BPTF: variants seen among roughly 807,000 people sequenced by gnomAD.
The protein encoded by BPTF is nucleosome-remodeling factor subunit BPTF.
In BPTF, 18 loss-of-function variants were observed where a neutral mutation model predicts 292.5. That is an observed-to-expected ratio of 0.06 (90% confidence interval 0.04 to 0.09). The LOEUF (loss-of-function observed/expected upper bound fraction) is 0.09. Among genes scored for constraint, BPTF ranks in the 10% least tolerant of loss-of-function variants. BPTF has a pLI of 1.00. For missense variants in BPTF, 2,726 were observed against 3,498.7 expected (o/e 0.78, Z 5.57); for synonymous variants, 1,225 against 1,251.9 (o/e 0.98, Z 0.45).
intron 2 of BPTF, among the ~76,000 whole-genome samples, chr17:67,866,004 C>G (rs2059372617): frequency 1.3e-5 from 2 of 151,942 alleles, no homozygotes; most frequent in African/African-American, 4.8e-5. Context: ...TCTGTAAGTC[C>G]TAACTACTTG....
At position 67,975,905 on chromosome 17, in the gene BPTF, A is replaced by G. The variant is rs782641892; in HGVS notation, c.8673A>G (p.Ala2891=). The change falls in exon 27 of 28, where the codon GCA becomes GCG. Residue 2891 remains alanine, a synonymous_variant. Coordinates refer to ENST00000306378, the MANE Select transcript of BPTF (RefSeq NM_182641.4). ...GTGACTCCCCATTTTACCAGTGTGC[A>G]GAAGTTCTCGAATCATTCTTTGTAC... ...NPSDSPFYQC[A]EVLESFFVQK... The G allele has an allele frequency of 6.2e-6, 10 of 1,613,676 alleles. No individual in the cohort carries two copies. Among genetic ancestry groups the G allele is most frequent in the Non-Finnish European group, 8.5e-6 (10 of 1,179,910 alleles).
rs372551122 is a variant in BPTF, at chr17:67,940,511, C to T, written c.6332C>T (p.Thr2111Met). ...PVSTAVSAPNTVSSTPGQKSL... is the reference protein window; with the variant it reads ...PVSTAVSAPNMVSSTPGQKSL... ...TCCACTGCAGTCTCCGCCCCTAACA[C>T]GGTTTCCTCAACACCTGGGCAGAAA... Residue 2111 changes from threonine (T) to methionine (M), a missense_variant, in exon 19 of 28, where the codon ACG (threonine) becomes ATG (methionine). By Grantham distance (81) the Thr-to-Met change is moderately conservative. Transcript: ENST00000306378. 2.7e-5 allele frequency: 44 copies of T among 1,613,960 alleles called. No homozygotes were observed. The highest frequency in any genetic ancestry group is 3.3e-5 in the Admixed American group (2 of 59,986).
rs142982955 is a variant in BPTF, at chr17:67,904,467, T to G, written c.2674-235T>G. 2.6e-5 allele frequency among the ~76,000 whole-genome samples: 4 copies of G among 152,350 alleles called. No homozygotes were observed. In the East Asian group the frequency reaches 7.7e-4, roughly 29 times the overall value. ...TTGAAATTGTTATAAAACTGTAAAA[T>G]TGTGTTACATTTTACATGCTAAAAA... On this transcript the variant is annotated intron_variant, in intron 8 of 27. Coordinates refer to ENST00000306378, the MANE Select transcript of BPTF (RefSeq NM_182641.4).
In BPTF at chr17:67,903,932, C is replaced by G. The variant is rs1258252865; in HGVS notation, c.2673+14C>G. On this transcript the variant is annotated intron_variant, in intron 8 of 27. Transcript: ENST00000306378. ...GTTAAGCATCAGGTAATTTTTACAA[C>G]AACCCTTTAAAATAGTGTTAGCCAT... 6.3e-7 allele frequency: 1 copy of G among 1,577,756 alleles called. No homozygotes were observed. The highest frequency in any genetic ancestry group is 2.0e-5 in the Admixed American group (1 of 48,858).
intron 23 of BPTF, among the ~76,000 whole-genome samples, chr17:67,948,636 G>C (rs1462359558): frequency 1.3e-5 from 2 of 152,156 alleles, no homozygotes; most frequent in East Asian, 3.8e-4. Context: ...TCATGAGAAA[G>C]GTACAGAGAC....
In BPTF at chr17:67,928,504, T is replaced by C; in HGVS notation, c.5901T>C (p.Thr1967=). Residue 1967 remains threonine (T), a synonymous_variant, in exon 16 of 28, where the codon ACT becomes ACC. Coordinates refer to ENST00000306378, the MANE Select transcript of BPTF (RefSeq NM_182641.4). ...SVTTGTKMVL[T]TKVGSPATVT... is the part of the protein sequence containing the mutation. ...CAACTGGAACCAAAATGGTACTAAC[T>C]ACTAAAGTTGGATCTCCAGCTACAG... The C allele has an allele frequency of 1.2e-6, 2 of 1,614,194 alleles. No homozygotes were observed. The highest frequency in any genetic ancestry group is 2.2e-5 in the South Asian group (2 of 91,086).
chr17:67,872,947 C>T (rs1056193572), intron 3 of BPTF, among the ~76,000 whole-genome samples: 33 of 151,448 alleles, frequency 2.2e-4, no homozygotes, highest in African/African-American at 6.8e-4. Context: ...ATTAGCCAGG[C>T]GTGGTGACAC....
intron 2 of BPTF, among the ~76,000 whole-genome samples, chr17:67,860,538 T>A (rs757620413): frequency 1.6e-4 from 24 of 152,238 alleles, no homozygotes; most frequent in Non-Finnish European, 3.1e-4. Context: ...CAAGACATAT[T>A]CAGCATATAA....
chr17:67,842,560 AGAAAG>A (rs2057641755), intron 1 of BPTF, among the ~76,000 whole-genome samples: 1 of 152,232 alleles, frequency 6.6e-6, no homozygotes, highest in East Asian at 1.9e-4. Context: ...GGAAATAAAA[AGAAAG>A]GAGTTATAAA....
chr17:67,827,269 CACA>C (rs1165654315), intron 1 of BPTF, among the ~76,000 whole-genome samples: 1 of 152,148 alleles, frequency 6.6e-6, no homozygotes, highest in African/African-American at 2.4e-5. Flanking sequence ...AGATTTATTA[CACA>C]ACGACTTTTT....
At position 67,912,229 on chromosome 17, in the gene BPTF, G is replaced by A. The variant is rs750076483; in HGVS notation, c.4345G>A (p.Glu1449Lys). Residue 1449 changes from glutamate (E) to lysine (K), a missense_variant, in exon 11 of 28, where the codon GAG becomes AAG. Physicochemically the swap from Glu to Lys is moderately conservative, Grantham distance 56. Transcript: ENST00000306378. ...TAATAATATAAATAAAATAATCCCT[G>A]AGAATGATATTAAATCATTGACTGT... ...KVNNINKIIPENDIKSLTVKE... is the reference protein window; with the variant it reads ...KVNNINKIIPKNDIKSLTVKE... The A allele has an allele frequency of 1.2e-6, 2 of 1,609,936 alleles. No homozygotes were observed. Among genetic ancestry groups the A allele is most frequent in the Non-Finnish European group, 1.7e-6 (2 of 1,177,994 alleles).
chr17:67,875,416 C>T (rs1237549609), intron 4 of BPTF: 16 of 501,256 alleles, frequency 3.2e-5, no homozygotes, highest in South Asian at 1.1e-4. Context: ...CAGCAATATC[C>T]GAGAATCTAC....
Position 67,911,369 on chromosome 17 carries a change from C to G in BPTF, c.3485C>G (p.Pro1162Arg). ...AGTCATACCACAAACAAACTTTATC[C>G]AAAAGATCGAGTGTTAGATGATGTC... ...DPSHTTNKLYPKDRVLDDVSI... is the reference protein window; with the variant it reads ...DPSHTTNKLYRKDRVLDDVSI... Residue 1162 changes from proline to arginine, a missense_variant, in exon 11 of 28, where the codon CCA (proline) becomes CGA (arginine). Transcript: ENST00000306378. 1 of 1,613,906 alleles carries G rather than the reference C, an allele frequency of 6.2e-7. No individual in the cohort carries two copies. The highest frequency in any genetic ancestry group is 8.5e-7 in the Non-Finnish European group (1 of 1,179,974).
intron 7 of BPTF, among the ~76,000 whole-genome samples, chr17:67,900,467 A>G (rs2061757198): frequency 6.6e-6 from 1 of 151,898 alleles, no homozygotes; most frequent in Non-Finnish European, 1.5e-5. Flanking sequence ...GTGGTGGCAC[A>G]TGCCTGTAAT....
In BPTF at chr17:67,945,914, A is replaced by C. The variant is rs1555674815; in HGVS notation, c.7206A>C (p.Gln2402His). 1 of 1,614,102 alleles carries C rather than the reference A, an allele frequency of 6.2e-7. No homozygotes were observed. ...QSQPQVQSSTQTLSSGQTLNQ... is the reference protein window; with the variant it reads ...QSQPQVQSSTHTLSSGQTLNQ... ...AACCCCAGGTACAGTCTTCAACTCAAACTCTTTCATCAGGACAAACTTTAA... is the reference window on the plus strand; with the variant it reads ...AACCCCAGGTACAGTCTTCAACTCACACTCTTTCATCAGGACAAACTTTAA... The change falls in exon 21 of 28, where the codon CAA becomes CAC. Residue 2402 changes from glutamine to histidine, a missense_variant. Gln to His is a conservative substitution (Grantham distance 24). Coordinates refer to ENST00000306378, the MANE Select transcript of BPTF (RefSeq NM_182641.4).
At position 67,903,914 on chromosome 17, in the gene BPTF, A is replaced by G. The variant is rs2062012071; in HGVS notation, c.2669A>G (p.His890Arg). The change falls in exon 8 of 28, where the codon CAT becomes CGT. Residue 890 changes from histidine to arginine, a missense_variant. His to Arg is a conservative substitution (Grantham distance 29). This residue lies in a region of BPTF where 99 missense variants were observed against 227.1 expected (regional missense o/e 0.44). Coordinates refer to ENST00000306378, the MANE Select transcript of BPTF (RefSeq NM_182641.4). ...GTAAAATACACATTTCCAGTTAAGC[A>G]TCAGGTAATTTTTACAACAACCCTT... ...TWVKYTFPVKHQVWKQKGEEY... is the reference protein window; with the variant it reads ...TWVKYTFPVKRQVWKQKGEEY... 1 of 1,583,142 alleles carries G rather than the reference A, an allele frequency of 6.3e-7. No individual in the cohort carries two copies. Among genetic ancestry groups the G allele is most frequent in the Non-Finnish European group, 8.5e-7 (1 of 1,171,812 alleles).
intron 2 of BPTF, among the ~76,000 whole-genome samples, chr17:67,863,390 T>C (rs1163105369): frequency 6.6e-6 from 1 of 152,190 alleles, no homozygotes; most frequent in East Asian, 1.9e-4. Flanking sequence ...GTTCAAGTGA[T>C]TCTCCTGCCT....
intron 4 of BPTF, among the ~76,000 whole-genome samples, chr17:67,881,372 C>T (rs2060389221): frequency 6.6e-6 from 1 of 151,906 alleles, no homozygotes; most frequent in African/African-American, 2.4e-5. Context: ...CATCAAAAGG[C>T]TCATGGTATA....
intron 1 of BPTF, among the ~76,000 whole-genome samples, chr17:67,851,182 G>A (rs1335268758): frequency 6.6e-6 from 1 of 151,942 alleles, no homozygotes; most frequent in Admixed American, 6.5e-5. Context: ...TTTTTGTAAC[G>A]AGTTGTTTGG....
Sources: gnomAD v4.1 joint callset for allele counts (sites outside exome capture counted in the v4.1 genomes callset) on GRCh38, gnomAD v4.1.1 for gene constraint, gnomAD v4.1.1 regional missense constraint, MANE v1.5 for transcripts, NCBI Gene and HGNC (gene_info 2026-07-23, HGNC 2026-07-21) for gene names.